GAB2: variants seen among roughly 807,000 people sequenced by gnomAD.
GAB2 encodes GRB2 associated binding protein 2, also known as GRB2-associated-binding protein 2.
Under a neutral mutation model 65.5 loss-of-function variants are expected in GAB2, and 26 were observed. The observed-to-expected ratio is 0.40, with a 90% CI of 0.29 to 0.55. The LOEUF is 0.55. Ranked by LOEUF, GAB2 falls within the 20% of genes least tolerant of loss-of-function variation. The pLI, the probability that GAB2 is intolerant of heterozygous loss-of-function variation, is 0.53. For missense variants in GAB2, 884 were observed against 875.8 expected (o/e 1.01, Z -0.12); for synonymous variants, 321 against 329.6 (o/e 0.97, Z 0.28).
At chr11:78,268,607 T>C (rs917040742) in intron 2 of GAB2, among the ~76,000 whole-genome samples, 1 of 152,080 alleles carries the variant, frequency 6.6e-6, no homozygotes, top group African/African-American at 2.4e-5. Flanking sequence ...TTGGGAGCCA[T>C]TCAAAGCTTC....
Position 78,219,185 on chromosome 11 carries a change from G to A in GAB2, c.*87C>T, listed in dbSNP as rs1864292916. ...CTGGCAGAGTAGAGAGGAGGTGGAT[G>A]GGAGGAAGAACGGGAGAGGGGAGAG... On this transcript the variant is annotated 3_prime_UTR_variant, in exon 10 of 10. Transcript: ENST00000361507. The A allele has an allele frequency of 2.4e-6, 3 of 1,251,938 alleles. No homozygotes were observed. The highest frequency in any genetic ancestry group is 1.3e-5 in the South Asian group (1 of 76,638). The allele number at this position is 1,251,938 out of a possible 1,614,324, so 77.6% of individuals were successfully genotyped here.
chr11:78,225,319 A>C, intron 4 of GAB2, 117 bp from the exon 5 acceptor site: 5 of 646,432 alleles, frequency 7.7e-6, no homozygotes, highest in Non-Finnish European at 8.2e-6. Context: ...TACTACTCTC[A>C]ACCCCAAATG....
chr11:78,230,348 A>C (rs1864804868), intron 3 of GAB2, among the ~76,000 whole-genome samples: 1 of 152,146 alleles, frequency 6.6e-6, no homozygotes, highest in African/African-American at 2.4e-5. Flanking sequence ...TCTAAACTTC[A>C]GCCCTGGTCT....
intron 1 of GAB2, among the ~76,000 whole-genome samples, chr11:78,413,048 C>T (rs1053156219): frequency 3.9e-5 from 6 of 152,176 alleles, no homozygotes; most frequent in Non-Finnish European, 8.8e-5. Context: ...CTTAGTGGCA[C>T]TGTTTACTGA....
intron 2 of GAB2, among the ~76,000 whole-genome samples, chr11:78,266,318 T>C (rs1039085128): frequency 6.6e-6 from 1 of 151,266 alleles, no homozygotes; most frequent in African/African-American, 2.4e-5. Context: ...GTCCTTACCC[T>C]TGTCTCCCAT....
At chr11:78,300,516 T>TAAAAAAAAAAAAAAAAAAAA (rs138790128) in intron 1 of GAB2, among the ~76,000 whole-genome samples, 3 of 142,872 alleles carry the variant, frequency 2.1e-5, no homozygotes, top group African/African-American at 7.8e-5. Context: ...TTTAATTTTA[T>TAAAAAAAAAAAAAAAAAAAA]AAAAAAACAA....
chr11:78,317,384 A>T (rs1053966255), intron 1 of GAB2, among the ~76,000 whole-genome samples: 2 of 152,084 alleles, frequency 1.3e-5, no homozygotes, highest in Non-Finnish European at 2.9e-5. Context: ...ACATGGTGAT[A>T]CCCCATCTCT....
At chr11:78,369,206 T>G (rs912912928) in intron 1 of GAB2, among the ~76,000 whole-genome samples, 5 of 151,884 alleles carry the variant, frequency 3.3e-5, no homozygotes, top group Non-Finnish European at 7.4e-5. Context: ...TCATCCCTGC[T>G]GGTCTCCAGT....
At chr11:78,327,830 T>C (rs1306667793) in intron 1 of GAB2, among the ~76,000 whole-genome samples, 3 of 152,354 alleles carry the variant, frequency 2.0e-5, no homozygotes, top group African/African-American at 7.2e-5. Context: ...TAAATTTCTT[T>C]GAATTTTAGT....
chr11:78,251,111 ATT>A (rs71675034), intron 2 of GAB2, among the ~76,000 whole-genome samples: 1 of 136,524 alleles, frequency 7.3e-6, no homozygotes, highest in Non-Finnish European at 1.5e-5. Flanking sequence ...ACAAGTTGAA[ATT>A]TAAAAAAAAA....
intron 1 of GAB2, among the ~76,000 whole-genome samples, chr11:78,353,691 T>C (rs1396863222): frequency 6.6e-6 from 1 of 152,232 alleles, no homozygotes; most frequent in Non-Finnish European, 1.5e-5. Context: ...TACTTGGTTT[T>C]AATTTATTAA....
At chr11:78,330,162 G>A (rs1004323144) in intron 1 of GAB2, among the ~76,000 whole-genome samples, 1 of 152,130 alleles carries the variant, frequency 6.6e-6, no homozygotes, top group Non-Finnish European at 1.5e-5. Flanking sequence ...GGGGTTAAAT[G>A]GATCACCAGT....
chr11:78,408,498 C>CA (rs1857083819), intron 1 of GAB2, among the ~76,000 whole-genome samples: 1 of 152,038 alleles, frequency 6.6e-6, no homozygotes, highest in African/African-American at 2.4e-5. Flanking sequence ...AGAACACAAA[C>CA]AAAAAATAAA....
At chr11:78,279,735 A>T (rs534490092) in intron 2 of GAB2, among the ~76,000 whole-genome samples, 2 of 152,114 alleles carry the variant, frequency 1.3e-5, no homozygotes, top group African/African-American at 4.8e-5. Context: ...TTCACTTAAC[A>T]TGTTTTCAGT....
intron 1 of GAB2, among the ~76,000 whole-genome samples, chr11:78,291,116 A>G (rs2134605104): frequency 1.3e-5 from 2 of 152,104 alleles, no homozygotes; most frequent in South Asian, 4.2e-4. Context: ...TGGCCTAAAC[A>G]AAGGGTGGGA....
rs186455544 is a variant in GAB2, at chr11:78,401,036, G to A, written c.75+16610C>T. On this transcript the variant is annotated intron_variant, in intron 1 of 9. Transcript: ENST00000361507. The stretch of plus-strand genomic sequence containing the variant: ...GAATATTCCATAATCATTCATGGCT[G>A]TGGAGATTCCATCCTGTCTTTTCTC... Among the ~76,000 whole-genome samples, 930 of 150,884 alleles carry A rather than the reference G, an allele frequency of 6.2e-3. 8 individuals are homozygous for A. The highest frequency in any genetic ancestry group is 8.8e-3 in the Non-Finnish European group (600 of 67,902).
At chr11:78,413,462 T>C (rs1185511945) in intron 1 of GAB2, among the ~76,000 whole-genome samples, 1 of 152,102 alleles carries the variant, frequency 6.6e-6, no homozygotes, top group Non-Finnish European at 1.5e-5. Flanking sequence ...GTGAAGAGAT[T>C]AATTAAAATG....
At chr11:78,266,357 A>C (rs996583048) in intron 2 of GAB2, among the ~76,000 whole-genome samples, 3 of 151,956 alleles carry the variant, frequency 2.0e-5, no homozygotes, top group Admixed American at 1.3e-4. Context: ...CCAATCCCAA[A>C]CTGTGCTCCA....
chr11:78,274,472 G>A (rs989292116), intron 2 of GAB2, among the ~76,000 whole-genome samples: 1 of 152,206 alleles, frequency 6.6e-6, no homozygotes, highest in East Asian at 1.9e-4. Flanking sequence ...GCAACTTGAG[G>A]TGCTGCCAGT....
Sources: gnomAD v4.1 joint callset for allele counts (sites outside exome capture counted in the v4.1 genomes callset) on GRCh38, gnomAD v4.1.1 for gene constraint, MANE v1.5 for transcripts, NCBI Gene and HGNC (gene_info 2026-07-23, HGNC 2026-07-21) for gene names.